Variants in ENOX1 observed in about 807,000 individuals in gnomAD.
The protein encoded by ENOX1 is candidate growth-related and time keeping constitutive hydroquinone (NADH) oxidase.
A neutral mutation model predicts 82.5 loss-of-function variants in ENOX1; 42 were observed. The observed-to-expected ratio is 0.51, with a 90% CI of 0.40 to 0.66. The LOEUF (loss-of-function observed/expected upper bound fraction) is 0.66, where lower values mean the gene tolerates loss of function less well. Among genes scored for constraint, ENOX1 ranks in the 30% least tolerant of loss-of-function variants. The pLI is 0.00. For synonymous variants in ENOX1, 271 were observed against 282.2 expected, an observed-to-expected ratio of 0.96 and a Z score of 0.40; for missense variants, 608 against 811.6, an observed-to-expected ratio of 0.75 and a Z score of 3.05.
rs545742455 is a variant in ENOX1 at position 43,267,134 on chromosome 13, T to C, written c.1555-1680A>G. 5.3e-5 allele frequency among the ~76,000 whole-genome samples: 8 copies of C among 152,230 alleles called. No individual in the cohort carries two copies. In the South Asian group the frequency reaches 1.2e-3, roughly 24 times the overall value. On this transcript the variant is annotated intron_variant, in intron 13 of 16. Coordinates refer to ENST00000690772, the MANE Select transcript of ENOX1 (RefSeq NM_001347969.2). Reference sequence around the variant, plus strand: ...CCCTCCCCGCTGCAGCCCACCCCTCTCCTTCCTCGAGCTGCAGCTCCAGGA... The same window carrying C: ...CCCTCCCCGCTGCAGCCCACCCCTCCCCTTCCTCGAGCTGCAGCTCCAGGA...
chr13:43,239,368 G>A (rs2042706004), intron 14 of ENOX1, among the ~76,000 whole-genome samples: 1 of 152,148 alleles, frequency 6.6e-6, no homozygotes, highest in Admixed American at 6.5e-5. Context: ...CCAGGTTGGA[G>A]ATGGAGCTGT....
At chr13:43,615,909 A>C (rs1008108217) in intron 2 of ENOX1, among the ~76,000 whole-genome samples, 1 of 151,630 alleles carries the variant, frequency 6.6e-6, no homozygotes, top group African/African-American at 2.4e-5. Flanking sequence ...ATGTCCCTGC[A>C]AAGTACATGA....
intron 3 of ENOX1, among the ~76,000 whole-genome samples, chr13:43,470,829 C>G (rs1266693011): frequency 6.6e-6 from 1 of 152,048 alleles, no homozygotes; most frequent in Non-Finnish European, 1.5e-5. Context: ...AACATCACCA[C>G]AAACCCACCA....
intron 1 of ENOX1, among the ~76,000 whole-genome samples, chr13:43,760,930 T>C (rs774729018): frequency 2.0e-5 from 3 of 151,224 alleles, no homozygotes; most frequent in Non-Finnish European, 4.4e-5. Flanking sequence ...TTATGTCAAT[T>C]ATGATTAGGA....
chr13:43,544,691 A>T (rs1439998564), intron 2 of ENOX1: 1 of 152,146 alleles, frequency 6.6e-6, no homozygotes, highest in Non-Finnish European at 1.5e-5. Flanking sequence ...ATCACAAGAG[A>T]ACCGCCTATC....
At chr13:43,719,302 T>TACACACACACACACAC (rs3024232) in intron 1 of ENOX1, among the ~76,000 whole-genome samples, 1,590 of 126,722 alleles carry the variant, frequency 0.013, 29 homozygotes, top group African/African-American at 0.018. Flanking sequence ...TTCATTCAAA[T>TACACACACACACACAC]ACACACACAC....
intron 2 of ENOX1, among the ~76,000 whole-genome samples, chr13:43,494,011 A>G (rs542390194): frequency 6.6e-6 from 1 of 152,268 alleles, no homozygotes; most frequent in South Asian, 2.1e-4. Flanking sequence ...GGAACTACCA[A>G]ATACTTATAA....
At chr13:43,249,681 G>GT (rs1398134414) in intron 14 of ENOX1, among the ~76,000 whole-genome samples, 6 of 152,048 alleles carry the variant, frequency 3.9e-5, no homozygotes, top group Admixed American at 3.9e-4. Flanking sequence ...AATTTAGAGG[G>GT]TTTTTTGACC....
intron 3 of ENOX1, among the ~76,000 whole-genome samples, chr13:43,418,846 G>A (rs528991461): frequency 6.6e-6 from 1 of 152,290 alleles, no homozygotes; most frequent in Admixed American, 6.5e-5. Flanking sequence ...TTTATGTTCA[G>A]TATTTCATTG....
At chr13:43,460,694 T>C (rs2153637474) in intron 3 of ENOX1, among the ~76,000 whole-genome samples, 1 of 150,036 alleles carries the variant, frequency 6.7e-6, no homozygotes, top group South Asian at 2.1e-4. Context: ...CTCGGGAGGC[T>C]GAGGCAGGAG....
chr13:43,570,333 G>A (rs573404086), intron 2 of ENOX1, among the ~76,000 whole-genome samples: 7 of 152,070 alleles, frequency 4.6e-5, no homozygotes, highest in Non-Finnish European at 7.3e-5. Context: ...AGGCAGTAGC[G>A]GAAGCCATAG....
At position 43,756,972 on chromosome 13, in the gene ENOX1, CAAAAAAAAAAAA is replaced by C. The variant is rs1164153402; in HGVS notation, c.-285+29668_-285+29679del. Among the ~76,000 whole-genome samples, 89 of 28,068 alleles carry C rather than the reference CAAAAAAAAAAAA, an allele frequency of 3.2e-3. 2 individuals are homozygous for C. The highest frequency in any genetic ancestry group is 5.7e-3 in the Admixed American group (11 of 1,930). 18.4% of individuals were successfully genotyped at this position (28,068 alleles called of 152,430 possible). A position where few individuals can be genotyped will look rare whatever the true frequency, so the allele number is the denominator to read the frequency against. ...GTCTCAACAACAACAAAAACAACAACAAAAAAAAAAAAAAAAAAAAAAGCTGGATAATTTTAG... is the reference window on the plus strand; with the variant it reads ...GTCTCAACAACAACAAAAACAACAACAAAAAAAAAAGCTGGATAATTTTAG... On this transcript the variant is annotated intron_variant, in intron 1 of 16. Coordinates refer to ENST00000690772, the MANE Select transcript of ENOX1 (RefSeq NM_001347969.2).
intron 1 of ENOX1, among the ~76,000 whole-genome samples, chr13:43,747,313 AAAG>A (rs1243054892): frequency 6.6e-6 from 1 of 152,186 alleles, no homozygotes; most frequent in Non-Finnish European, 1.5e-5. Flanking sequence ...TTGTGCACAA[AAAG>A]AAGGTATGGA....
At chr13:43,320,402 T>A (rs993511461) in intron 11 of ENOX1, among the ~76,000 whole-genome samples, 2 of 152,178 alleles carry the variant, frequency 1.3e-5, no homozygotes, top group Non-Finnish European at 1.5e-5. Flanking sequence ...AAGTTTTTTT[T>A]AAAAGTTCAG....
intron 5 of ENOX1, among the ~76,000 whole-genome samples, chr13:43,385,413 G>GA (rs1309749022): frequency 5.4e-5 from 8 of 147,886 alleles, no homozygotes; most frequent in Non-Finnish European, 1.0e-4. Flanking sequence ...AAATCAACAA[G>GA]AAAAAAAAAT....
At chr13:43,512,253 A>G (rs1269485290) in intron 2 of ENOX1, among the ~76,000 whole-genome samples, 1 of 152,106 alleles carries the variant, frequency 6.6e-6, no homozygotes, top group Non-Finnish European at 1.5e-5. Flanking sequence ...CTTATGTACT[A>G]TATACTTCTA....
rs3043205 is a variant in ENOX1, at chr13:43,213,544, C to CTTTTTTTTTTTTTTTTTTTTTTT, written c.*423_*445dup. 3.6e-5 allele frequency: 3 copies of CTTTTTTTTTTTTTTTTTTTTTTT among 84,008 alleles called. No homozygotes were observed. Among genetic ancestry groups the CTTTTTTTTTTTTTTTTTTTTTTT allele is most frequent in the Non-Finnish European group, 4.6e-5 (2 of 43,722 alleles). 5.2% of individuals were successfully genotyped at this position (84,008 alleles called of 1,614,324 possible). On this transcript the variant is annotated 3_prime_UTR_variant, in exon 17 of 17. Coordinates refer to ENST00000690772, the MANE Select transcript of ENOX1 (RefSeq NM_001347969.2). ...TTTTTCTTTTTTTCTTTTTCTTTTTCTTTTTTTTTTTTTTTTTTTTTTTAC... is the reference window on the plus strand; with the variant it reads ...TTTTTCTTTTTTTCTTTTTCTTTTTCTTTTTTTTTTTTTTTTTTTTTTTTTTTTTTTTTTTTTTTTTTTTTTAC...
intron 3 of ENOX1, among the ~76,000 whole-genome samples, chr13:43,431,849 G>C (rs936344260): frequency 8.5e-5 from 13 of 152,204 alleles, no homozygotes; most frequent in African/African-American, 2.9e-4. Context: ...CCTCACCTGG[G>C]AGCACACACG....
chr13:43,223,116 A>G (rs1465886184), intron 16 of ENOX1, among the ~76,000 whole-genome samples: 2 of 152,222 alleles, frequency 1.3e-5, no homozygotes, highest in Non-Finnish European at 2.9e-5. Context: ...CATGCTAGCC[A>G]TTGAAAATTT....
Sources: allele counts gnomAD v4.1 joint callset (sites outside exome capture counted in the v4.1 genomes callset), GRCh38; gene constraint gnomAD v4.1.1; transcripts MANE v1.5; gene names NCBI Gene and HGNC (gene_info 2026-07-23, HGNC 2026-07-21).